SETD5: variants seen among roughly 807,000 people sequenced by gnomAD.
SETD5 encodes the protein SET domain containing 5.
A neutral mutation model predicts 153.3 loss-of-function variants in SETD5; 44 were observed. That is an observed-to-expected ratio of 0.29 (90% confidence interval 0.23 to 0.37). The LOEUF (loss-of-function observed/expected upper bound fraction) is 0.37, where lower values mean the gene tolerates loss of function less well. SETD5 is among the 10% of genes least tolerant of loss of function. The pLI is 1.00. For synonymous variants in SETD5, 716 were observed against 645.2 expected, an observed-to-expected ratio of 1.11 and a Z score of -1.66; for missense variants, 1,544 against 1,768.0, an observed-to-expected ratio of 0.87 and a Z score of 2.27.
At chr3:9,430,755 A>T (rs1288332608) in intron 3 of SETD5, 1 of 900,778 alleles carries the variant, frequency 1.1e-6, no homozygotes, top group African/African-American at 1.8e-5. Flanking sequence ...TTTTCCCCAA[A>T]GTATAGACAT....
At chr3:9,413,444 A>G (rs1333314423) in intron 1 of SETD5, among the ~76,000 whole-genome samples, 1 of 152,126 alleles carries the variant, frequency 6.6e-6, no homozygotes, top group Non-Finnish European at 1.5e-5. Flanking sequence ...ACCTCTACTG[A>G]TAAAATCTGC....
chr3:9,448,294 T>C, intron 15 of SETD5, 94 bp from the exon 16 acceptor site: 1 of 1,500,476 alleles, frequency 6.7e-7, no homozygotes. Flanking sequence ...AGCTGCTGCA[T>C]CTCCTCCTGT....
At chr3:9,416,441 T>TG (rs1158184287) in intron 1 of SETD5, among the ~76,000 whole-genome samples, 1 of 152,216 alleles carries the variant, frequency 6.6e-6, no homozygotes, top group Admixed American at 6.5e-5. Flanking sequence ...TGTATGTACT[T>TG]GCAGTTAGCT....
intron 3 of SETD5, 50 bp from the exon 4 acceptor site, chr3:9,433,795 G>A: frequency 6.4e-7 from 1 of 1,558,132 alleles, no homozygotes; most frequent in Non-Finnish European, 8.8e-7. Flanking sequence ...GTTAGTTTAA[G>A]GGAAGATTAG....
At chr3:9,470,374 C>A in intron 18 of SETD5, 85 bp from the exon 19 acceptor site, 1 of 973,724 alleles carries the variant, frequency 1.0e-6, no homozygotes, top group Non-Finnish European at 1.6e-6. Flanking sequence ...TCCCTGTTCA[C>A]CTGTGTCCCT....
Position 9,448,432 on chromosome 3 carries a change from G to T in SETD5, c.2148G>T (p.Glu716Asp). 2 of 1,613,980 alleles carry T rather than the reference G, an allele frequency of 1.2e-6. No homozygotes were observed. Among genetic ancestry groups the T allele is most frequent in the Non-Finnish European group, 1.7e-6 (2 of 1,179,880 alleles). ...TGAATGACAAAGCAGAGAAGCAAGA[G>T]TGCCCTGTTGAGTGCCCTTTACGTA... Reference protein sequence around the residue: ...EWLNDKAEKQECPVECPLRIT... With the variant: ...EWLNDKAEKQDCPVECPLRIT... The change falls in exon 16 of 23, where the codon GAG becomes GAT. Residue 716 changes from glutamate (E) to aspartate (D), a missense_variant. Coordinates refer to ENST00000402198, the MANE Select transcript of SETD5 (RefSeq NM_001080517.3).
intron 1 of SETD5, among the ~76,000 whole-genome samples, chr3:9,403,079 T>C (rs919120502): frequency 1.3e-5 from 2 of 151,802 alleles, no homozygotes; most frequent in African/African-American, 4.8e-5. Flanking sequence ...GGGCAGGAGG[T>C]AGGAAAGGCA....
chr3:9,443,463 A>T, intron 11 of SETD5, 46 bp downstream of exon 11: 5 of 1,037,780 alleles, frequency 4.8e-6, no homozygotes, highest in Non-Finnish European at 6.5e-6. Flanking sequence ...CATGTCTTAC[A>T]TATTAAGCTA....
rs779115163 is a variant in SETD5, at chr3:9,445,063, C to T, written c.1203C>T (p.Asp401=). The T allele has an allele frequency of 1.9e-6, 3 of 1,613,484 alleles. No homozygotes were observed. The highest frequency in any genetic ancestry group is 2.5e-6 in the Non-Finnish European group (3 of 1,179,636). The change falls in exon 12 of 23, where the codon GAC becomes GAT. Residue 401 remains aspartate (D), a synonymous_variant. Coordinates refer to ENST00000402198, the MANE Select transcript of SETD5 (RefSeq NM_001080517.3). ...TTTGGAGCAGTAATTATAAAGTGGA[C>T]TGTGCCTGTCACAAGGGAAACCGGA... The part of the protein sequence containing the change: ...YEYSNCNYKV[D]CACHKGNRNC...
At position 9,434,987 on chromosome 3, in the gene SETD5, G is replaced by A. The variant is rs2040384706; in HGVS notation, c.388+105G>A. 8 of 1,343,308 alleles carry A rather than the reference G, an allele frequency of 6.0e-6. No homozygotes were observed. Among genetic ancestry groups the A allele is most frequent in the African/African-American group, 1.5e-5 (1 of 68,168 alleles). 83.2% of individuals were successfully genotyped at this position (1,343,308 alleles called of 1,614,324 possible). On this transcript the variant is annotated intron_variant, in intron 6 of 22. Transcript: ENST00000402198. This position sits in a 1 kb window ranked among gnomAD's most constrained non-coding sequence, Gnocchi z 5.6. ...TGGCCAGGCGCAGTGGCTTACGCCTGTAATCTCACCACTTAGGGAGGCCAA... is the reference window on the plus strand; with the variant it reads ...TGGCCAGGCGCAGTGGCTTACGCCTATAATCTCACCACTTAGGGAGGCCAA...
chr3:9,436,545 G>GT (rs1559405672), intron 7 of SETD5, among the ~76,000 whole-genome samples: 3 of 151,654 alleles, frequency 2.0e-5, no homozygotes, highest in Non-Finnish European at 2.9e-5. Context: ...CAACTTTAAA[G>GT]TTTTTTTTTA....
At chr3:9,399,488 T>G (rs942267928) in intron 1 of SETD5, among the ~76,000 whole-genome samples, 1 of 152,050 alleles carries the variant, frequency 6.6e-6, no homozygotes, top group Non-Finnish European at 1.5e-5. Flanking sequence ...TTCTCTTCTG[T>G]AGCCAAAAAT....
intron 1 of SETD5, among the ~76,000 whole-genome samples, chr3:9,409,277 T>A (rs2036195095): frequency 6.6e-6 from 1 of 152,218 alleles, no homozygotes; most frequent in South Asian, 2.1e-4. Context: ...TTTATTTGGC[T>A]ATACTAAGAT....
intron 3 of SETD5, among the ~76,000 whole-genome samples, chr3:9,432,558 T>C (rs1575367225): frequency 6.6e-6 from 1 of 152,338 alleles, no homozygotes; most frequent in East Asian, 1.9e-4. Context: ...TGTGAATCTG[T>C]GTTCTAATTA....
chr3:9,434,965 C>T lies in SETD5; in HGVS notation c.388+83C>T. The T allele has an allele frequency of 6.7e-7, 1 of 1,499,414 alleles. No homozygotes were observed. The highest frequency in any genetic ancestry group is 1.3e-5 in the South Asian group (1 of 78,712). The allele number at this position is 1,499,414 out of a possible 1,614,324, so 92.9% of individuals were successfully genotyped here. A position where few individuals can be genotyped will look rare whatever the true frequency, so the allele number is the denominator to read the frequency against. On this transcript the variant is annotated intron_variant, in intron 6 of 22. Transcript: ENST00000402198. This position sits in a 1 kb window ranked among gnomAD's most constrained non-coding sequence, Gnocchi z 5.6. ...TGTTCATTTTAAGAACCCCTCTTGG[C>T]CAGGCGCAGTGGCTTACGCCTGTAA...
intron 17 of SETD5, among the ~76,000 whole-genome samples, chr3:9,455,782 A>G (rs1287652652): frequency 6.6e-6 from 1 of 152,174 alleles, no homozygotes; most frequent in Admixed American, 6.5e-5. Context: ...AGCAGTTCAC[A>G]TCCTGACTAG....
chr3:9,426,758 G>A (rs1445467916), intron 2 of SETD5, among the ~76,000 whole-genome samples: 1 of 151,690 alleles, frequency 6.6e-6, no homozygotes, highest in African/African-American at 2.4e-5. Flanking sequence ...GGCTGGTCTC[G>A]AACTCCCAAG....
chr3:9,431,858 A>G (rs1020171437), intron 3 of SETD5: 3 of 298,892 alleles, frequency 1.0e-5, no homozygotes, highest in African/African-American at 4.5e-5. Context: ...CATTCCTAAT[A>G]AACAGCTATC....
chr3:9,431,249 C>G, intron 3 of SETD5: 1 of 985,382 alleles, frequency 1.0e-6, no homozygotes, highest in Non-Finnish European at 1.2e-6. Flanking sequence ...AACAGAATTT[C>G]AGGCATTTTC....
Sources: gnomAD v4.1 joint callset for allele counts (sites outside exome capture counted in the v4.1 genomes callset) on GRCh38, gnomAD v4.1.1 for gene constraint, Gnocchi (gnomAD v3.1) non-coding constraint, MANE v1.5 for transcripts, NCBI Gene and HGNC (gene_info 2026-07-23, HGNC 2026-07-21) for gene names.